Variants in FARP1 observed in about 807,000 individuals in gnomAD.
The protein encoded by FARP1 is FERM, ARH/RhoGEF and pleckstrin domain protein 1.
FARP1 carries 52 observed loss-of-function variants against 128.8 expected under a neutral mutation model. That is an observed-to-expected ratio of 0.40 (90% confidence interval 0.32 to 0.51). The LOEUF is 0.51. FARP1 is among the 20% of genes least tolerant of loss of function. The pLI is 0.45. For synonymous variants in FARP1, 580 were observed against 551.8 expected (o/e 1.05, Z -0.72); for missense variants, 1,333 against 1,367.9 (o/e 0.97, Z 0.40).
intron 2 of FARP1, among the ~76,000 whole-genome samples, chr13:98,271,307 C>T (rs550220150): frequency 1.3e-5 from 2 of 152,162 alleles, no homozygotes; most frequent in African/African-American, 4.8e-5. Flanking sequence ...TTTCCAAGGA[C>T]CCACTTGGCG....
chr13:98,177,348 AAG>A, intron 1 of FARP1: 1 of 853,370 alleles, frequency 1.2e-6, no homozygotes, highest in Non-Finnish European at 1.7e-6. Flanking sequence ...AAGCAAGTGA[AAG>A]AAAAGCTTCT....
At chr13:98,153,347 A>C (rs1594204696) in intron 1 of FARP1, among the ~76,000 whole-genome samples, 1 of 32,320 alleles carries the variant, frequency 3.1e-5, no homozygotes, top group East Asian at 0.12. Flanking sequence ...AAAATAATAT[A>C]TATAAAAATA....
At chr13:98,345,167 C>T (rs996257113) in intron 3 of FARP1, among the ~76,000 whole-genome samples, 1 of 152,122 alleles carries the variant, frequency 6.6e-6, no homozygotes, top group African/African-American at 2.4e-5. Flanking sequence ...CTGAAGATAC[C>T]GTTATCTCAT....
chr13:98,279,175 T>C (rs1424622933), intron 2 of FARP1, among the ~76,000 whole-genome samples: 1 of 152,144 alleles, frequency 6.6e-6, no homozygotes, highest in South Asian at 2.1e-4. Flanking sequence ...GCATGCTAAA[T>C]AAATAGTAAA....
chr13:98,331,851 A>G (rs1887522650), intron 2 of FARP1: 1 of 152,156 alleles, frequency 6.6e-6, no homozygotes, highest in Admixed American at 6.6e-5. Context: ...CCCCTATTCT[A>G]TGCTGTTCCC....
In FARP1 at chr13:98,176,840, G is replaced by A. The variant is rs780286201; in HGVS notation, c.-24+33348G>A. 6.2e-7 allele frequency: 1 copy of A among 1,611,648 alleles called. No individual in the cohort carries two copies. Among genetic ancestry groups the A allele is most frequent in the Non-Finnish European group, 8.5e-7 (1 of 1,179,962 alleles). ...CGACCCCGCAGTGCCTCCTGGACCC[G>A]CTGGCTGCACTTGAGGATGGTCGGC... On this transcript the variant is annotated intron_variant, in intron 1 of 26. Coordinates refer to ENST00000319562, the MANE Select transcript of FARP1 (RefSeq NM_005766.4). The surrounding 1 kb of genome is among the most constrained non-coding windows in gnomAD (Gnocchi z 6.2).
At chr13:98,295,340 C>A (rs1402672697) in intron 2 of FARP1, among the ~76,000 whole-genome samples, 1 of 152,052 alleles carries the variant, frequency 6.6e-6, no homozygotes, top group Admixed American at 6.6e-5. Flanking sequence ...GCAGGCAATG[C>A]CACGAGACTC....
chr13:98,246,046 G>C (rs1441441283), intron 2 of FARP1, among the ~76,000 whole-genome samples: 7 of 147,218 alleles, frequency 4.8e-5, no homozygotes, highest in Admixed American at 1.4e-4. Context: ...CAAAGTGTTG[G>C]GATTACAGGT....
At chr13:98,340,464 C>G (rs1887920367) in intron 2 of FARP1, among the ~76,000 whole-genome samples, 1 of 152,114 alleles carries the variant, frequency 6.6e-6, no homozygotes, top group South Asian at 2.1e-4. Flanking sequence ...CCTGCCTCAG[C>G]CTCCTGAGTA....
chr13:98,232,506 A>G (rs1340017050), intron 2 of FARP1, among the ~76,000 whole-genome samples: 2 of 152,198 alleles, frequency 1.3e-5, no homozygotes, highest in South Asian at 4.1e-4. Flanking sequence ...GTTGGTGGCA[A>G]TTCTGCATTT....
chr13:98,313,338 A>ACACC (rs1193813441), intron 2 of FARP1, among the ~76,000 whole-genome samples: 1 of 150,774 alleles, frequency 6.6e-6, no homozygotes, highest in East Asian at 2.0e-4. Context: ...ACACACACAC[A>ACACC]CCTGCACAAA....
intron 3 of FARP1, among the ~76,000 whole-genome samples, chr13:98,345,025 T>G (rs1888121649): frequency 1.3e-5 from 2 of 152,206 alleles, no homozygotes; most frequent in South Asian, 4.1e-4. Flanking sequence ...TAGCAAGAAG[T>G]AGTTACGGTT....
chr13:98,194,702 T>G (rs1879463546), intron 1 of FARP1, among the ~76,000 whole-genome samples: 2 of 152,224 alleles, frequency 1.3e-5, no homozygotes, highest in African/African-American at 4.8e-5. Context: ...GTCTGTAATA[T>G]TTTGATACAT....
In FARP1 at chr13:98,148,647, G is replaced by A. The variant is rs79602656; in HGVS notation, c.-24+5155G>A. ...CTGAGACACATCTTCTAGAAATTCT[G>A]TTAGCATCTGTTGGTGGTAACTTCA... On this transcript the variant is annotated intron_variant, in intron 1 of 26. Transcript: ENST00000319562. 5.0e-3 allele frequency among the ~76,000 whole-genome samples: 766 copies of A among 152,258 alleles called. 4 individuals carry two copies. The highest frequency in any genetic ancestry group is 0.017 in the African/African-American group (706 of 41,550).
At chr13:98,220,534 G>A (rs1881355989) in intron 2 of FARP1, among the ~76,000 whole-genome samples, 2 of 152,114 alleles carry the variant, frequency 1.3e-5, no homozygotes, top group Admixed American at 1.3e-4. Context: ...CAGAATTTAA[G>A]GCTACTTTGC....
intron 17 of FARP1, among the ~76,000 whole-genome samples, chr13:98,429,728 G>A (rs904500714): frequency 1.1e-4 from 17 of 152,172 alleles, no homozygotes; most frequent in Non-Finnish European, 2.2e-4. Context: ...TTTCCGGGGC[G>A]TGGGAGTGGA....
chr13:98,299,256 G>A (rs1246084281), intron 2 of FARP1, among the ~76,000 whole-genome samples: 3 of 151,942 alleles, frequency 2.0e-5, no homozygotes, highest in African/African-American at 7.3e-5. Context: ...TTTGGCATAG[G>A]GTGTTTTATT....
intron 2 of FARP1, among the ~76,000 whole-genome samples, chr13:98,313,227 T>G (rs1886563159): frequency 8.5e-6 from 1 of 117,764 alleles, no homozygotes; most frequent in Non-Finnish European, 1.7e-5. Flanking sequence ...CACTCTGGAA[T>G]CGGGTGGGTC....
chr13:98,177,082 T>TCGTC, intron 1 of FARP1: 1 of 1,597,906 alleles, frequency 6.3e-7, no homozygotes, highest in Non-Finnish European at 8.5e-7. Context: ...TGTGTCGCCC[T>TCGTC]CGTCCCCGCT....
Sources: allele counts gnomAD v4.1 joint callset (sites outside exome capture counted in the v4.1 genomes callset), GRCh38; gene constraint gnomAD v4.1.1; non-coding constraint Gnocchi (gnomAD v3.1); transcripts MANE v1.5; gene names NCBI Gene and HGNC (gene_info 2026-07-23, HGNC 2026-07-21).